SLC4A10: variants seen among roughly 807,000 people sequenced by gnomAD.
SLC4A10 encodes the protein solute carrier family 4 member 10.
A neutral mutation model predicts 137.7 loss-of-function variants in SLC4A10; 42 were observed. The observed-to-expected ratio is 0.30, with a 90% CI of 0.24 to 0.39. The LOEUF (loss-of-function observed/expected upper bound fraction) is 0.39. Among genes scored for constraint, SLC4A10 ranks in the 10% least tolerant of loss-of-function variants. The pLI is 1.00. For synonymous variants in SLC4A10, 474 were observed against 464.1 expected (o/e 1.02, Z -0.27); for missense variants, 925 against 1,355.0 (o/e 0.68, Z 4.98).
chr2:161,923,523 G>A (rs930451606), intron 15 of SLC4A10, among the ~76,000 whole-genome samples: 4 of 152,004 alleles, frequency 2.6e-5, no homozygotes, highest in Admixed American at 6.6e-5. Flanking sequence ...CCCTAGAAAG[G>A]ACATGAACTC....
At chr2:161,712,159 A>G (rs149779013) in intron 1 of SLC4A10, among the ~76,000 whole-genome samples, 285 of 151,990 alleles carry the variant, frequency 1.9e-3, no homozygotes, top group Non-Finnish European at 3.1e-3. Flanking sequence ...TTCAATTCTA[A>G]CATTTACTGA....
At chr2:161,978,634 T>A (rs1699778681) in intron 26 of SLC4A10, among the ~76,000 whole-genome samples, 1 of 152,080 alleles carries the variant, frequency 6.6e-6, no homozygotes, top group South Asian at 2.1e-4. Context: ...CCAAACAGTA[T>A]AAACAAGACG....
At chr2:161,744,848 T>C (rs1460845575) in intron 1 of SLC4A10, among the ~76,000 whole-genome samples, 1 of 152,212 alleles carries the variant, frequency 6.6e-6, no homozygotes, top group Non-Finnish European at 1.5e-5. Flanking sequence ...GGTTTATCTT[T>C]TAGTCTTCTT....
intron 1 of SLC4A10, among the ~76,000 whole-genome samples, chr2:161,719,145 C>T (rs1312139624): frequency 4.0e-5 from 6 of 151,826 alleles, no homozygotes; most frequent in East Asian, 1.9e-4. Context: ...TGAGTGAGAA[C>T]GTGCAGTGTT....
intron 15 of SLC4A10, among the ~76,000 whole-genome samples, chr2:161,909,994 G>T (rs546188636): frequency 2.6e-5 from 4 of 152,144 alleles, no homozygotes; most frequent in East Asian, 1.9e-4. Context: ...TACTATGCAG[G>T]TTCATTAGAA....
chr2:161,725,527 TTCAGATAACAG>T (rs2046121845), intron 1 of SLC4A10, among the ~76,000 whole-genome samples: 1 of 152,178 alleles, frequency 6.6e-6, no homozygotes, highest in South Asian at 2.1e-4. Flanking sequence ...TGATTAACCA[TTCAGATAACAG>T]TCAGAAAACC....
chr2:161,708,577 T>C (rs2043939602), intron 1 of SLC4A10: 1 of 1,039,342 alleles, frequency 9.6e-7, no homozygotes, highest in Non-Finnish European at 1.3e-6. Context: ...TCTCTTAGTA[T>C]GGGGTGTTTG....
intron 3 of SLC4A10, among the ~76,000 whole-genome samples, chr2:161,827,333 CT>C (rs1432923881): frequency 6.6e-6 from 1 of 152,150 alleles, no homozygotes; most frequent in African/African-American, 2.4e-5. Flanking sequence ...GCCTTATGAC[CT>C]TCTTCATATG....
chr2:161,771,240 T>A (rs1304442714), intron 2 of SLC4A10, among the ~76,000 whole-genome samples, 186 bp downstream of exon 2: 1 of 151,910 alleles, frequency 6.6e-6, no homozygotes, highest in Non-Finnish European at 1.5e-5. Context: ...CTGAAATCAA[T>A]GAGAAGCATC....
intron 1 of SLC4A10, chr2:161,709,672 G>C (rs989476589): frequency 2.0e-5 from 3 of 151,528 alleles, no homozygotes; most frequent in African/African-American, 7.2e-5. Flanking sequence ...GGATTTCGAT[G>C]TCCATTTTGT....
intron 15 of SLC4A10, among the ~76,000 whole-genome samples, chr2:161,939,102 A>G (rs1692167406): frequency 6.6e-6 from 1 of 152,084 alleles, no homozygotes; most frequent in Non-Finnish European, 1.5e-5. Context: ...TATTGAGACC[A>G]GTCTCGCTCT....
chr2:161,723,383 T>C (rs949631408), intron 1 of SLC4A10, among the ~76,000 whole-genome samples: 7 of 152,176 alleles, frequency 4.6e-5, no homozygotes, highest in Non-Finnish European at 8.8e-5. Context: ...GCCTAGTCAG[T>C]CTCAATAGGG....
At chr2:161,626,644 A>G (rs1042838252) in intron 1 of SLC4A10, among the ~76,000 whole-genome samples, 7 of 152,284 alleles carry the variant, frequency 4.6e-5, no homozygotes, top group East Asian at 1.9e-4. Flanking sequence ...TTTAATTTTC[A>G]AAACAAACAT....
chr2:161,818,634 T>A (rs910704363), intron 3 of SLC4A10, among the ~76,000 whole-genome samples: 3 of 152,214 alleles, frequency 2.0e-5, no homozygotes, highest in Non-Finnish European at 4.4e-5. Context: ...TAGCTCTTAT[T>A]ATTTTGAGAT....
At chr2:161,849,465 C>T (rs374414942) in intron 4 of SLC4A10, among the ~76,000 whole-genome samples, 2 of 152,036 alleles carry the variant, frequency 1.3e-5, no homozygotes, top group African/African-American at 4.8e-5. Context: ...GAGTGGGCAT[C>T]CTTGTCTTGT....
chr2:161,849,802 CTAG>C (rs2059721956), intron 4 of SLC4A10, among the ~76,000 whole-genome samples: 1 of 152,026 alleles, frequency 6.6e-6, no homozygotes, highest in South Asian at 2.1e-4. Flanking sequence ...ATTTGGTTTG[CTAG>C]TATTTTGTGG....
chr2:161,942,296 G>C (rs1021794469), intron 15 of SLC4A10, among the ~76,000 whole-genome samples: 2 of 152,102 alleles, frequency 1.3e-5, no homozygotes, highest in Admixed American at 1.3e-4. Context: ...ACTGTAAATT[G>C]AGGTTAACTT....
intron 2 of SLC4A10, among the ~76,000 whole-genome samples, chr2:161,795,788 T>A (rs1174633751): frequency 6.6e-6 from 1 of 152,026 alleles, no homozygotes; most frequent in Non-Finnish European, 1.5e-5. Context: ...AAAATATAAA[T>A]AAAACACTTA....
intron 2 of SLC4A10, among the ~76,000 whole-genome samples, chr2:161,779,985 G>A (rs2052825076): frequency 6.6e-6 from 1 of 151,938 alleles, no homozygotes; most frequent in African/African-American, 2.4e-5. Context: ...AATATATGTG[G>A]CTCCATCTTG....
Sources: allele counts gnomAD v4.1 joint callset (sites outside exome capture counted in the v4.1 genomes callset), GRCh38; gene constraint gnomAD v4.1.1; transcripts MANE v1.5; gene names NCBI Gene and HGNC (gene_info 2026-07-23, HGNC 2026-07-21).